DYNC2H1: variants seen among roughly 807,000 people sequenced by gnomAD.
The protein encoded by DYNC2H1 is dynein cytoplasmic 2 heavy chain 1.
DYNC2H1 carries 410 observed loss-of-function variants against 570.0 expected under a neutral mutation model. The ratio of observed to expected loss-of-function variants is 0.72; its 90% CI spans 0.66 to 0.78. The LOEUF is 0.78. Among genes scored for constraint, DYNC2H1 ranks in the 30% least tolerant of loss-of-function variants. The pLI is 0.00. For missense variants in DYNC2H1, 4,865 were observed against 5,046.4 expected (o/e 0.96, Z 1.09); for synonymous variants, 1,688 against 1,677.6 (o/e 1.01, Z -0.15).
In DYNC2H1 at chr11:103,109,715, C is replaced by A. The variant is rs779274127; in HGVS notation, c.141C>A (p.Asn47Lys). ...TCAACAACTTCTTGGATGACGGCAA[C>A]CAGATGCTCCTCAGGGTGCAGCGAT... is the stretch of plus-strand genomic sequence containing the variant. ...LEINNFLDDG[N>K]QMLLRVQRSD... The change falls in exon 1 of 89, where the codon AAC becomes AAA. Residue 47 changes from asparagine (N) to lysine (K), a missense_variant. Physicochemically the swap from Asn to Lys is moderately conservative, Grantham distance 94 (BLOSUM62 0). Around this residue, in one of 5 missense-constraint regions of DYNC2H1, gnomAD observed 1,936 missense variants for 1,962.1 expected, o/e 0.99. Transcript: ENST00000375735. 1 of 1,613,962 alleles carries A rather than the reference C, an allele frequency of 6.2e-7. No homozygotes were observed. The highest frequency in any genetic ancestry group is 8.5e-7 in the Non-Finnish European group (1 of 1,179,880).
At chr11:103,309,287 A>C (rs1254360853) in intron 78 of DYNC2H1, among the ~76,000 whole-genome samples, 1 of 143,718 alleles carries the variant, frequency 7.0e-6, no homozygotes, top group African/African-American at 2.6e-5. Context: ...CAATCCTCCC[A>C]CCTCAGCTTT....
At position 103,468,725 on chromosome 11, in the gene DYNC2H1, C is replaced by T. The variant is rs565630205; in HGVS notation, c.12765+20C>T. The T allele has an allele frequency of 6.5e-7, 1 of 1,539,600 alleles. No homozygotes were observed. Among genetic ancestry groups the T allele is most frequent in the East Asian group, 2.3e-5 (1 of 44,386 alleles). On this transcript the variant is annotated intron_variant, in intron 88 of 88. Coordinates refer to ENST00000375735, the MANE Select transcript of DYNC2H1 (RefSeq NM_001377.3). ...CCACAGGTAATACATTTTTAACAAG[C>T]ACAAGTTTTAATTATATCAGTTCTC...
In DYNC2H1 at chr11:103,184,668, G is replaced by A. The variant is rs553158329; in HGVS notation, c.6478-228G>A. Among the ~76,000 whole-genome samples, 26 of 151,922 alleles carry A rather than the reference G, an allele frequency of 1.7e-4. No individual in the cohort carries two copies. The Middle Eastern group carries it at 0.01, about 60-fold the overall frequency. On this transcript the variant is annotated intron_variant, in intron 40 of 88. Coordinates refer to ENST00000375735, the MANE Select transcript of DYNC2H1 (RefSeq NM_001377.3). Reference sequence around the variant, plus strand: ...AGTAAATAAACTGTATCTATTTGAGGACTGTAGCACTGAAAGCTAGAAATA... The same window carrying A: ...AGTAAATAAACTGTATCTATTTGAGAACTGTAGCACTGAAAGCTAGAAATA...
At chr11:103,444,910 AATTTAAATT>A (rs1430830633) in intron 85 of DYNC2H1, among the ~76,000 whole-genome samples, 1 of 152,136 alleles carries the variant, frequency 6.6e-6, no homozygotes, top group Admixed American at 6.5e-5. Context: ...CTTGGTAAGA[AATTTAAATT>A]TAGTCTGAGT....
chr11:103,270,972 G>T (rs1306380281), intron 70 of DYNC2H1, among the ~76,000 whole-genome samples: 2 of 152,148 alleles, frequency 1.3e-5, no homozygotes, highest in African/African-American at 2.4e-5. Flanking sequence ...AATATGAGGA[G>T]AAATTGTTTT....
rs1389414411 is a variant in DYNC2H1 at position 103,203,892 on chromosome 11, G to A, written c.8311+116G>A. 1 of 717,570 alleles carries A rather than the reference G, an allele frequency of 1.4e-6. No individual in the cohort carries two copies. The highest frequency in any genetic ancestry group is 2.3e-5 in the South Asian group (1 of 44,316). The allele number at this position is 717,570 out of a possible 1,614,324, so 44.5% of individuals were successfully genotyped here. Reference sequence around the variant, plus strand: ...AGGTATCTTAAATCTTTTTTCTGGAGCTTTTAGAAAGTAACACCTAACTAG... The same window carrying A: ...AGGTATCTTAAATCTTTTTTCTGGAACTTTTAGAAAGTAACACCTAACTAG... On this transcript the variant is annotated intron_variant, in intron 51 of 88. Transcript: ENST00000375735. This position sits in a 1 kb window ranked among gnomAD's most constrained non-coding sequence, Gnocchi z 4.7.
intron 82 of DYNC2H1, among the ~76,000 whole-genome samples, chr11:103,349,589 C>T (rs1247665230): frequency 6.6e-6 from 1 of 152,098 alleles, no homozygotes; most frequent in Non-Finnish European, 1.5e-5. Flanking sequence ...AATGAAGTGT[C>T]AGCCTAGTAC....
intron 62 of DYNC2H1, 89 bp from the exon 63 acceptor site, chr11:103,236,341 C>G: frequency 1.2e-6 from 1 of 833,192 alleles, no homozygotes; most frequent in Non-Finnish European, 2.0e-6. Flanking sequence ...TGTCATAGGA[C>G]TTTTGTTTCG....
chr11:103,372,977 T>A (rs1941232847), intron 83 of DYNC2H1, among the ~76,000 whole-genome samples: 1 of 152,126 alleles, frequency 6.6e-6, no homozygotes, highest in Non-Finnish European at 1.5e-5. Flanking sequence ...AGGGTCTTGC[T>A]CTGTCACTCA....
At chr11:103,400,191 G>A (rs1942580890) in intron 84 of DYNC2H1, among the ~76,000 whole-genome samples, 2 of 152,096 alleles carry the variant, frequency 1.3e-5, no homozygotes, top group African/African-American at 4.8e-5. Context: ...TATATTCCAA[G>A]CTCCAAGTCC....
Position 103,148,547 on chromosome 11 carries a change from T to C in DYNC2H1, c.2876T>C (p.Met959Thr). 2 of 1,566,418 alleles carry C rather than the reference T, an allele frequency of 1.3e-6. 1 individual carries two copies. Among genetic ancestry groups the C allele is most frequent in the South Asian group, 2.4e-5 (2 of 85,008 alleles). ...VTEAMEVLTI[M>T]PQSVEEIGDA... ...GAGGCTATGGAAGTCTTAACAATTATGCCCCAGTCTGTGGAAGAAATTGGT... is the reference window on the plus strand; with the variant it reads ...GAGGCTATGGAAGTCTTAACAATTACGCCCCAGTCTGTGGAAGAAATTGGT... Residue 959 changes from methionine to threonine, a missense_variant, in exon 20 of 89, where the codon ATG becomes ACG. Around this residue, in one of 5 missense-constraint regions of DYNC2H1, gnomAD observed 1,936 missense variants for 1,962.1 expected, o/e 0.99. Transcript: ENST00000375735.
chr11:103,329,370 T>G (rs1286030951), intron 82 of DYNC2H1, among the ~76,000 whole-genome samples: 1 of 151,238 alleles, frequency 6.6e-6, no homozygotes, highest in African/African-American at 2.4e-5. Flanking sequence ...TTGGGCATTA[T>G]TCAGTATTTC....
chr11:103,390,283 G>T (rs947490660), intron 83 of DYNC2H1, among the ~76,000 whole-genome samples: 5 of 151,014 alleles, frequency 3.3e-5, no homozygotes, highest in African/African-American at 4.9e-5. Context: ...ATCTTTGTTG[G>T]CTTAAAGTCT....
chr11:103,178,035 A>G (rs574469154), intron 38 of DYNC2H1, among the ~76,000 whole-genome samples: 1 of 152,270 alleles, frequency 6.6e-6, no homozygotes, highest in East Asian at 1.9e-4. Flanking sequence ...ATAGAAACTT[A>G]GAGTAAGTTG....
At chr11:103,360,553 TTTA>T (rs1940588844) in intron 83 of DYNC2H1, among the ~76,000 whole-genome samples, 1 of 152,184 alleles carries the variant, frequency 6.6e-6, no homozygotes, top group South Asian at 2.1e-4. Flanking sequence ...CAAAGGTACT[TTTA>T]TTATGAATGG....
At chr11:103,404,609 G>A (rs1942782483) in intron 84 of DYNC2H1, 1 of 149,894 alleles carries the variant, frequency 6.7e-6, no homozygotes, top group Non-Finnish European at 1.5e-5. Flanking sequence ...ATATAATGGT[G>A]AAGTGGATTT....
intron 83 of DYNC2H1, among the ~76,000 whole-genome samples, chr11:103,389,320 T>C (rs561073949): frequency 6.6e-6 from 1 of 152,368 alleles, no homozygotes; most frequent in Non-Finnish European, 1.5e-5. Context: ...TGATGGTAGT[T>C]TGTATTTCTG....
In DYNC2H1 at chr11:103,170,779, T is replaced by C; in HGVS notation, c.5152-107T>C. ...TATTTTAAAATGAGCAAAAGAGGCA[T>C]AGATGGGATAAATTATCACCTTATC... is the stretch of plus-strand genomic sequence containing the variant. On this transcript the variant is annotated intron_variant, in intron 33 of 88. Transcript: ENST00000375735. The surrounding 1 kb of genome is among the most constrained non-coding windows in gnomAD (Gnocchi z 4.8). 1 of 1,071,436 alleles carries C rather than the reference T, an allele frequency of 9.3e-7. No individual in the cohort carries two copies. 66.4% of individuals were successfully genotyped at this position (1,071,436 alleles called of 1,614,324 possible).
chr11:103,314,050 G>A (rs1223481473), intron 79 of DYNC2H1, among the ~76,000 whole-genome samples: 1 of 152,022 alleles, frequency 6.6e-6, no homozygotes, highest in African/African-American at 2.4e-5. Flanking sequence ...ATTGAGAAAA[G>A]TTACATTAAA....
Sources: allele counts gnomAD v4.1 joint callset (sites outside exome capture counted in the v4.1 genomes callset), GRCh38; gene constraint gnomAD v4.1.1; regional missense constraint gnomAD v4.1.1; non-coding constraint Gnocchi (gnomAD v3.1); transcripts MANE v1.5; gene names NCBI Gene and HGNC (gene_info 2026-07-23, HGNC 2026-07-21).